The following SV2C variants were observed in gnomAD, a reference collection of about 807,000 sequenced individuals.
SV2C encodes synaptic vesicle glycoprotein 2C.
In SV2C, 49 loss-of-function variants were observed where a neutral mutation model predicts 79.7. The observed-to-expected ratio is 0.61, with a 90% CI of 0.49 to 0.78. SV2C has a LOEUF of 0.78. Ranked by LOEUF, SV2C falls within the 30% of genes least tolerant of loss-of-function variation. The pLI, the probability that SV2C is intolerant of heterozygous loss-of-function variation, is 0.00. For missense variants in SV2C, 833 were observed against 912.9 expected, an observed-to-expected ratio of 0.91 and a Z score of 1.13; for synonymous variants, 334 against 333.2, an observed-to-expected ratio of 1.00 and a Z score of -0.03.
At chr5:75,955,630 T>C in the SV2C span, among the ~76,000 whole-genome samples, 1 of 146,442 alleles carries the variant, frequency 6.8e-6, no homozygotes, top group Non-Finnish European at 1.5e-5. Flanking sequence ...GGGAGAAAAT[T>C]TTCACAACCT....
the SV2C span, among the ~76,000 whole-genome samples, chr5:75,977,731 C>T: frequency 7.7e-4 from 118 of 152,290 alleles, no homozygotes; most frequent in African/African-American, 2.5e-3. Flanking sequence ...GCACAGCCTT[C>T]GTGCCTGCCT....
chr5:76,107,834 C>G (rs563924287), intron 1 of SV2C, among the ~76,000 whole-genome samples: 1 of 152,108 alleles, frequency 6.6e-6, no homozygotes, highest in Admixed American at 6.5e-5. Flanking sequence ...GCCTGGGCAA[C>G]AGATGAAGAC....
At chr5:76,051,840 A>C in the SV2C span, among the ~76,000 whole-genome samples, 2 of 152,224 alleles carry the variant, frequency 1.3e-5, no homozygotes. Context: ...ATCTCTAATA[A>C]GGATATTTAC....
At chr5:76,030,714 A>G in the SV2C span, among the ~76,000 whole-genome samples, 2 of 151,704 alleles carry the variant, frequency 1.3e-5, no homozygotes, top group African/African-American at 4.8e-5. Context: ...GTGAGCTGAG[A>G]TCGTGCCACT....
intron 2 of SV2C, among the ~76,000 whole-genome samples, chr5:76,171,580 C>G (rs970171968): frequency 2.1e-5 from 3 of 145,056 alleles, no homozygotes; most frequent in Admixed American, 1.4e-4. Context: ...GCGTCTCCGC[C>G]GGGCAGCCAC....
intron 2 of SV2C, among the ~76,000 whole-genome samples, chr5:76,192,785 C>T (rs1744144564): frequency 6.6e-6 from 1 of 152,152 alleles, no homozygotes; most frequent in South Asian, 2.1e-4. Flanking sequence ...TCAATACAAA[C>T]TAAGTGTAGT....
At chr5:76,173,935 G>T (rs1304118150) in intron 2 of SV2C, 1 of 1,578,776 alleles carries the variant, frequency 6.3e-7, no homozygotes, top group Non-Finnish European at 8.7e-7. Flanking sequence ...GTGCTGTGAT[G>T]GAATAAACTA....
intron 1 of SV2C, among the ~76,000 whole-genome samples, chr5:76,088,525 G>A (rs182110386): frequency 1.3e-5 from 2 of 152,166 alleles, no homozygotes; most frequent in Admixed American, 6.5e-5. Flanking sequence ...TCCCTTCAGC[G>A]TCTTTGATAA....
At chr5:75,904,400 CAGAGAGAGAGAGAGAG>C in the SV2C span, among the ~76,000 whole-genome samples, 2 of 138,764 alleles carry the variant, frequency 1.4e-5, no homozygotes, top group Non-Finnish European at 3.1e-5. Context: ...AAAACAAACC[CAGAGAGAGAGAGAGAG>C]AGAGAGAGAG....
the SV2C span, among the ~76,000 whole-genome samples, chr5:76,041,547 G>A: frequency 6.6e-6 from 1 of 152,166 alleles, no homozygotes; most frequent in African/African-American, 2.4e-5. Context: ...ATCTGGGCAA[G>A]GAATTCTGGG....
the SV2C span, among the ~76,000 whole-genome samples, chr5:75,928,955 T>A: frequency 9.7e-3 from 1,482 of 152,254 alleles, 22 homozygotes; most frequent in African/African-American, 0.034. Flanking sequence ...AAGGGGAGAA[T>A]AATTTTGCTT....
chr5:76,246,034 GGAC>G (rs1745939210), intron 4 of SV2C, among the ~76,000 whole-genome samples: 1 of 151,626 alleles, frequency 6.6e-6, no homozygotes, highest in Admixed American at 6.6e-5. Flanking sequence ...GGATTCTGAA[GGAC>G]ATATATTTAT....
At chr5:76,270,887 G>C (rs2112472716) in intron 4 of SV2C, among the ~76,000 whole-genome samples, 1 of 151,962 alleles carries the variant, frequency 6.6e-6, no homozygotes, top group Admixed American at 6.6e-5. Flanking sequence ...TCCTGCCTCA[G>C]CCTCCCTAGT....
chr5:75,926,011 A>G, the SV2C span, among the ~76,000 whole-genome samples: 2 of 151,944 alleles, frequency 1.3e-5, no homozygotes, highest in South Asian at 4.2e-4. Flanking sequence ...TTGAAACACT[A>G]ACATCTGAAC....
intron 8 of SV2C, among the ~76,000 whole-genome samples, chr5:76,293,185 A>G (rs1210727640): frequency 6.6e-6 from 1 of 152,108 alleles, no homozygotes; most frequent in East Asian, 1.9e-4. Context: ...AGTAATTCCC[A>G]CCCAAGCTCT....
chr5:75,968,713 A>C, the SV2C span, among the ~76,000 whole-genome samples: 1 of 152,220 alleles, frequency 6.6e-6, no homozygotes, highest in Non-Finnish European at 1.5e-5. Flanking sequence ...GTGTACCTGA[A>C]AGTGATAGGA....
At chr5:75,940,024 A>C in the SV2C span, among the ~76,000 whole-genome samples, 2 of 152,110 alleles carry the variant, frequency 1.3e-5, no homozygotes, top group Non-Finnish European at 2.9e-5. Context: ...TCCATGTTGA[A>C]ATTATATGTG....
chr5:75,926,634 A>G, the SV2C span, among the ~76,000 whole-genome samples: 1 of 152,148 alleles, frequency 6.6e-6, no homozygotes, highest in Non-Finnish European at 1.5e-5. Context: ...GAAACAAAAT[A>G]TTTCTGATGA....
intron 1 of SV2C, among the ~76,000 whole-genome samples, chr5:76,097,459 G>A (rs1302829703): frequency 3.3e-5 from 5 of 152,046 alleles, no homozygotes; most frequent in Admixed American, 6.6e-5. Context: ...GTCTACATTG[G>A]CATTTGTTGC....
Sources: allele counts gnomAD v4.1 joint callset (sites outside exome capture counted in the v4.1 genomes callset), GRCh38; gene constraint gnomAD v4.1.1; transcripts MANE v1.5; gene names NCBI Gene and HGNC (gene_info 2026-07-23, HGNC 2026-07-21).